TRPC5: variants seen among roughly 807,000 people sequenced by gnomAD.
TRPC5 encodes transient receptor potential cation channel subfamily C member 5.
Under a neutral mutation model 56.5 loss-of-function variants are expected in TRPC5, and 9 were observed. The ratio of observed to expected loss-of-function variants is 0.16; its 90% CI spans 0.10 to 0.28. TRPC5 has a LOEUF of 0.28. Ranked by LOEUF, TRPC5 falls within the 10% of genes least tolerant of loss-of-function variation. The pLI is 1.00. For missense variants in TRPC5, 469 were observed against 748.9 expected (o/e 0.63, Z 4.36); for synonymous variants, 282 against 278.5 (o/e 1.01, Z -0.13).
intron 1 of TRPC5, among the ~76,000 whole-genome samples, chrX:112,027,589 C>T (rs988249975): frequency 3.7e-4 from 41 of 111,238 alleles, no homozygotes; most frequent in Non-Finnish European, 5.3e-4. Flanking sequence ...CTCCGCCTCC[C>T]GGGTTCACGC....
intron 1 of TRPC5, among the ~76,000 whole-genome samples, chrX:112,074,110 A>G (rs1930778249): frequency 9.0e-6 from 1 of 110,571 alleles, no homozygotes; most frequent in Non-Finnish European, 1.9e-5. Flanking sequence ...TTTTCTTTTC[A>G]TAGAAGAGAA....
chrX:111,983,032 A>G, intron 1 of TRPC5, among the ~76,000 whole-genome samples: 1 of 111,756 alleles, frequency 8.9e-6, no homozygotes. Flanking sequence ...CTTTCAAGCC[A>G]GCTGCTTTAG....
At chrX:112,043,267 T>C (rs1162398697) in intron 1 of TRPC5, among the ~76,000 whole-genome samples, 1 of 112,001 alleles carries the variant, frequency 8.9e-6, no homozygotes, top group African/African-American at 3.2e-5. Flanking sequence ...GTATCTTTAA[T>C]GTAACAAATG....
At chrX:111,969,588 G>T (rs1927722569) in intron 1 of TRPC5, among the ~76,000 whole-genome samples, 1 of 112,204 alleles carries the variant, frequency 8.9e-6, no homozygotes, top group Admixed American at 9.5e-5. Flanking sequence ...GTTAGGAAAG[G>T]TATATGGAAG....
chrX:111,983,959 C>G (rs1928145648), intron 1 of TRPC5, among the ~76,000 whole-genome samples: 1 of 111,434 alleles, frequency 9.0e-6, no homozygotes, highest in Non-Finnish European at 1.9e-5. Context: ...TCCTCAGAAC[C>G]TGCTCAGGCC....
At chrX:111,821,140 T>C (rs775025161) in intron 7 of TRPC5, among the ~76,000 whole-genome samples, 2 of 111,676 alleles carry the variant, frequency 1.8e-5, no homozygotes, top group South Asian at 7.5e-4. Flanking sequence ...TCTTTCCTTA[T>C]GTTCTGGGAA....
chrX:111,805,562 T>G (rs184400209), intron 7 of TRPC5, among the ~76,000 whole-genome samples: 2 of 111,883 alleles, frequency 1.8e-5, no homozygotes, highest in Non-Finnish European at 3.8e-5. Context: ...CAAGCTGTAT[T>G]TTTTGAGACA....
chrX:112,048,063 C>T (rs1930101547), intron 1 of TRPC5, among the ~76,000 whole-genome samples: 1 of 111,569 alleles, frequency 9.0e-6, no homozygotes, highest in Admixed American at 9.5e-5. Flanking sequence ...GAATATCTGT[C>T]GCCAATGCTG....
chrX:111,869,417 G>A (rs1380614552), intron 3 of TRPC5, among the ~76,000 whole-genome samples: 1 of 111,592 alleles, frequency 9.0e-6, no homozygotes, highest in African/African-American at 3.3e-5. Flanking sequence ...AGCAGACTTA[G>A]TTCCCAAGCT....
intron 1 of TRPC5, among the ~76,000 whole-genome samples, chrX:111,971,297 C>T (rs1380816859): frequency 9.0e-6 from 1 of 111,646 alleles, no homozygotes; most frequent in Admixed American, 9.5e-5. Flanking sequence ...ACTATGAAGA[C>T]AGGCAAACAG....
chrX:112,013,268 A>G (rs1929037780), intron 1 of TRPC5, among the ~76,000 whole-genome samples: 1 of 111,325 alleles, frequency 9.0e-6, no homozygotes, highest in Non-Finnish European at 1.9e-5. Flanking sequence ...CTCCTGCCTC[A>G]GCCTCCCAAG....
chrX:111,993,280 T>C (rs1928418027), intron 1 of TRPC5, among the ~76,000 whole-genome samples: 1 of 111,843 alleles, frequency 8.9e-6, no homozygotes, highest in Non-Finnish European at 1.9e-5. Context: ...ATGTGCCACA[T>C]TTTCTTAATC....
intron 3 of TRPC5, among the ~76,000 whole-genome samples, chrX:111,862,609 T>C (rs1007056873): frequency 8.9e-6 from 1 of 112,126 alleles, no homozygotes; most frequent in African/African-American, 3.2e-5. Flanking sequence ...TTTAATCCGT[T>C]TGCATATTTT....
At chrX:111,908,593 G>A (rs1282494273) in intron 3 of TRPC5, among the ~76,000 whole-genome samples, 2 of 111,123 alleles carry the variant, frequency 1.8e-5, no homozygotes, top group African/African-American at 6.5e-5. Flanking sequence ...GCTAGAGTTT[G>A]ATGTGACCTG....
chrX:111,913,857 G>A (rs1055901383), intron 2 of TRPC5, among the ~76,000 whole-genome samples: 2 of 109,528 alleles, frequency 1.8e-5, no homozygotes, highest in Non-Finnish European at 1.9e-5. Context: ...CTACGTGGGA[G>A]CCTGAGGCAG....
intron 1 of TRPC5, among the ~76,000 whole-genome samples, chrX:111,967,109 C>G (rs1442696787): frequency 5.4e-5 from 6 of 111,988 alleles, no homozygotes; most frequent in South Asian, 3.7e-4. Flanking sequence ...TCTCCTTACA[C>G]TGATAAGCAA....
At chrX:112,041,409 G>A (rs931524312) in intron 1 of TRPC5, among the ~76,000 whole-genome samples, 20 of 112,138 alleles carry the variant, frequency 1.8e-4, no homozygotes, top group African/African-American at 6.1e-4. Context: ...AATACTTACC[G>A]TGTGCCAGAC....
intron 1 of TRPC5, among the ~76,000 whole-genome samples, chrX:112,037,659 T>C (rs1396840225): frequency 8.9e-6 from 1 of 111,761 alleles, no homozygotes; most frequent in Non-Finnish European, 1.9e-5. Context: ...TCTTACCCTT[T>C]TCTACAATCT....
chrX:111,966,931 G>GC (rs1366606456), intron 1 of TRPC5, among the ~76,000 whole-genome samples: 2,690 of 99,610 alleles, frequency 0.027, 87 homozygotes, highest in African/African-American at 0.11. Context: ...AGACAGGGAT[G>GC]CCTCTCTCAC....
Sources: gnomAD v4.1 joint callset for allele counts (sites outside exome capture counted in the v4.1 genomes callset) on GRCh38, gnomAD v4.1.1 for gene constraint, MANE v1.5 for transcripts, NCBI Gene and HGNC (gene_info 2026-07-23, HGNC 2026-07-21) for gene names.